The following PRKG1 variants were observed in gnomAD, a reference collection of about 807,000 sequenced individuals.
PRKG1 encodes the protein protein kinase cGMP-dependent 1.
PRKG1 carries 35 observed loss-of-function variants against 88.1 expected under a neutral mutation model. The ratio of observed to expected loss-of-function variants is 0.40; its 90% CI spans 0.30 to 0.53. PRKG1 has a LOEUF of 0.53. Ranked by LOEUF, PRKG1 falls within the 20% of genes least tolerant of loss-of-function variation. PRKG1 has a pLI of 0.59. For missense variants in PRKG1, 540 were observed against 839.8 expected (o/e 0.64, Z 4.41); for synonymous variants, 303 against 292.5 (o/e 1.04, Z -0.37).
Position 50,991,218 on chromosome 10 carries a change from C to A in PRKG1, c.-161C>A. On this transcript the variant is annotated 5_prime_UTR_variant, in exon 1 of 18. Transcript: ENST00000401604. The surrounding 1 kb of genome is among the most constrained non-coding windows in gnomAD (Gnocchi z 4.5). ...GAAGCGGATCGAAGCAGGAGGCTCCCCGCGCCGCATTAGGGGCGCACTCCG... is the reference window on the plus strand; with the variant it reads ...GAAGCGGATCGAAGCAGGAGGCTCCACGCGCCGCATTAGGGGCGCACTCCG... 4 of 1,061,954 alleles carry A rather than the reference C, an allele frequency of 3.8e-6. No individual in the cohort carries two copies. In the South Asian group the frequency reaches 5.2e-5, roughly 14 times the overall value. The allele number at this position is 1,061,954 out of a possible 1,614,324, so 65.8% of individuals were successfully genotyped here.
intron 3 of PRKG1, among the ~76,000 whole-genome samples, chr10:51,657,321 C>T (rs1840186044): frequency 6.6e-6 from 1 of 152,050 alleles, no homozygotes; most frequent in African/African-American, 2.4e-5. Flanking sequence ...TCTGCCGTAA[C>T]AACAGAAAAA....
At chr10:51,976,443 A>G (rs1278250876) in intron 5 of PRKG1, among the ~76,000 whole-genome samples, 2 of 152,038 alleles carry the variant, frequency 1.3e-5, no homozygotes, top group Non-Finnish European at 2.9e-5. Flanking sequence ...AGTCCTTATA[A>G]ATGCTACAAA....
At chr10:51,298,173 G>T (rs188317206) in intron 2 of PRKG1, among the ~76,000 whole-genome samples, 1 of 152,068 alleles carries the variant, frequency 6.6e-6, no homozygotes, top group African/African-American at 2.4e-5. Flanking sequence ...TTCATGATTA[G>T]GGATATTAAT....
At chr10:52,150,688 CTT>C (rs1837888435) in intron 8 of PRKG1, among the ~76,000 whole-genome samples, 1 of 152,062 alleles carries the variant, frequency 6.6e-6, no homozygotes, top group South Asian at 2.1e-4. Flanking sequence ...AAACTAATGT[CTT>C]TGTTTCAAGG....
chr10:51,033,001 C>T (rs1337412572), intron 1 of PRKG1, among the ~76,000 whole-genome samples: 1 of 152,104 alleles, frequency 6.6e-6, no homozygotes, highest in Non-Finnish European at 1.5e-5. Context: ...ATTTCTACTA[C>T]AGTTTCTAAT....
intron 2 of PRKG1, among the ~76,000 whole-genome samples, chr10:51,330,156 AT>A (rs68018506): frequency 0.29 from 33,351 of 116,692 alleles, 4,219 homozygotes; most frequent in Middle Eastern, 0.38. Flanking sequence ...TTTTTTATTT[AT>A]TTTTTTTTTT....
At chr10:51,946,316 C>A (rs1170597342) in intron 5 of PRKG1, among the ~76,000 whole-genome samples, 3 of 152,046 alleles carry the variant, frequency 2.0e-5, no homozygotes, top group Non-Finnish European at 4.4e-5. Flanking sequence ...TCCATCAGCT[C>A]CTTTAAGCAC....
chr10:51,965,389 C>T (rs1419130679), intron 5 of PRKG1, among the ~76,000 whole-genome samples: 1 of 152,156 alleles, frequency 6.6e-6, no homozygotes, highest in Non-Finnish European at 1.5e-5. Flanking sequence ...CAGCTCCATC[C>T]ATGGCCCTGC....
At chr10:51,598,015 GATA>G (rs892103021) in intron 3 of PRKG1, among the ~76,000 whole-genome samples, 3 of 152,168 alleles carry the variant, frequency 2.0e-5, no homozygotes, top group Non-Finnish European at 2.9e-5. Flanking sequence ...TTGTGCTAAT[GATA>G]ATAACTTGAA....
intron 1 of PRKG1, among the ~76,000 whole-genome samples, chr10:51,079,913 T>C (rs9415711): frequency 0.25 from 38,271 of 152,068 alleles, 5,014 homozygotes; most frequent in African/African-American, 0.3. Flanking sequence ...CCAAATGTTC[T>C]CATTGAAAGT....
chr10:52,209,604 G>A (rs1250401079), intron 9 of PRKG1, among the ~76,000 whole-genome samples: 4 of 152,146 alleles, frequency 2.6e-5, no homozygotes, highest in Non-Finnish European at 4.4e-5. Context: ...TTATGCTCTT[G>A]ACATATGTTT....
chr10:51,696,675 T>G (rs1841301815), intron 3 of PRKG1: 1 of 151,130 alleles, frequency 6.6e-6, no homozygotes, highest in Non-Finnish European at 1.5e-5. Context: ...GTAACATAAC[T>G]TTAGAAAAAA....
rs1179919664 is a variant in PRKG1, at chr10:52,245,776, T to TATTA, written c.1077-5791_1077-5790insAATT. 5.1e-3 allele frequency among the ~76,000 whole-genome samples: 759 copies of TATTA among 150,050 alleles called. 8 individuals carry two copies. The highest frequency in any genetic ancestry group is 0.018 in the African/African-American group (721 of 40,954). On this transcript the variant is annotated intron_variant, in intron 9 of 17. Coordinates refer to ENST00000373980, the MANE Select transcript of PRKG1 (RefSeq NM_006258.4). ...TTATTTATTTATTTATTTATTTATT[T>TATTA]ATTTATTTATTTATTTATTTATTTA... is the stretch of plus-strand genomic sequence containing the variant.
chr10:52,187,608 TTAA>T (rs1273147936), intron 9 of PRKG1, among the ~76,000 whole-genome samples: 7 of 152,224 alleles, frequency 4.6e-5, no homozygotes, highest in African/African-American at 1.7e-4. Context: ...CATGGTTTCA[TTAA>T]CTTTTAAAAA....
intron 2 of PRKG1, among the ~76,000 whole-genome samples, chr10:51,316,894 C>CTCA (rs1216788116): frequency 6.6e-6 from 1 of 151,990 alleles, no homozygotes; most frequent in African/African-American, 2.4e-5. Context: ...AGATATTGTA[C>CTCA]AAAAATGAGT....
intron 8 of PRKG1, among the ~76,000 whole-genome samples, chr10:52,134,504 G>A (rs998516069): frequency 3.4e-4 from 52 of 152,198 alleles, no homozygotes; most frequent in Admixed American, 6.5e-4. Context: ...TTACCTGGAT[G>A]CTTTATAAGT....
intron 4 of PRKG1, among the ~76,000 whole-genome samples, chr10:51,816,161 G>A (rs905240810): frequency 2.0e-5 from 3 of 152,068 alleles, no homozygotes; most frequent in Non-Finnish European, 2.9e-5. Flanking sequence ...GAAAATTAGC[G>A]GTTTCCCAGC....
intron 2 of PRKG1, among the ~76,000 whole-genome samples, chr10:51,421,161 C>CTTGTTTGT (rs140624432): frequency 1.2e-3 from 189 of 151,404 alleles, no homozygotes; most frequent in Admixed American, 2.3e-3. Flanking sequence ...CCTTTTATTT[C>CTTGTTTGT]TTGTTTGTTT....
At chr10:51,893,722 A>G (rs754829152) in intron 4 of PRKG1, among the ~76,000 whole-genome samples, 2 of 152,142 alleles carry the variant, frequency 1.3e-5, no homozygotes, top group African/African-American at 2.4e-5. Context: ...AATATTTCAT[A>G]TTTATTAATA....
Sources: gnomAD v4.1 joint callset for allele counts (sites outside exome capture counted in the v4.1 genomes callset) on GRCh38, gnomAD v4.1.1 for gene constraint, Gnocchi (gnomAD v3.1) non-coding constraint, MANE v1.5 for transcripts, NCBI Gene and HGNC (gene_info 2026-07-23, HGNC 2026-07-21) for gene names.